The following DRP2 variants were observed in gnomAD, a reference collection of about 807,000 sequenced individuals.
DRP2 encodes dystrophin-related protein 2.
DRP2 carries 29 observed loss-of-function variants against 78.2 expected under a neutral mutation model. The observed-to-expected ratio is 0.37, with a 90% CI of 0.28 to 0.51. DRP2 has a LOEUF of 0.51. Among genes scored for constraint, DRP2 ranks in the 20% least tolerant of loss-of-function variants. The pLI is 0.94. For missense variants in DRP2, 686 were observed against 770.6 expected (o/e 0.89, Z 1.30); for synonymous variants, 290 against 281.9 (o/e 1.03, Z -0.29).
chrX:101,250,647 A>G, intron 15 of DRP2, 67 bp downstream of exon 15: 1 of 1,131,951 alleles, frequency 8.8e-7, no homozygotes. Context: ...GAAGGGAAGG[A>G]GGACTACGAG....
intron 16 of DRP2, chrX:101,251,703 G>A (rs1206524432): frequency 8.9e-6 from 1 of 111,988 alleles, no homozygotes; most frequent in East Asian, 2.8e-4. Flanking sequence ...TTAACAACTG[G>A]CTTAGAAAAC....
chrX:101,247,790 T>C (rs1922982440), intron 12 of DRP2, among the ~76,000 whole-genome samples: 1 of 112,546 alleles, frequency 8.9e-6, no homozygotes, highest in Non-Finnish European at 1.9e-5. Flanking sequence ...TGGGATTTGA[T>C]CCCTTGAGAG....
At chrX:101,221,392 C>T (rs1482256739) in intron 1 of DRP2, among the ~76,000 whole-genome samples, 3 of 112,093 alleles carry the variant, frequency 2.7e-5, no homozygotes, top group African/African-American at 9.7e-5. Flanking sequence ...GGGAGATGAT[C>T]CCAGAGAATC....
At chrX:101,253,425 C>T (rs759679726) in intron 17 of DRP2, among the ~76,000 whole-genome samples, 19 of 108,673 alleles carry the variant, frequency 1.7e-4, no homozygotes, top group African/African-American at 6.0e-4. Context: ...TTTCTGTCCC[C>T]GCAGATGCTC....
In DRP2 at chrX:101,245,370, T is replaced by C. The variant is rs1429717983; in HGVS notation, c.1116-18T>C. 2 of 1,192,735 alleles carry C rather than the reference T, an allele frequency of 1.7e-6. No homozygotes were observed. Among genetic ancestry groups the C allele is most frequent in the Non-Finnish European group, 2.3e-6 (2 of 884,749 alleles). On this transcript the variant is annotated intron_variant, in intron 10 of 23. Coordinates refer to ENST00000395209, the MANE Select transcript of DRP2 (RefSeq NM_001939.3). ...TGGGTGGTATAGATGCTGGTACTATTGATGCTATTGTTTGTAGCCACCAGG... is the reference window on the plus strand; with the variant it reads ...TGGGTGGTATAGATGCTGGTACTATCGATGCTATTGTTTGTAGCCACCAGG...
At position 101,248,518 on chromosome X, in the gene DRP2, C is replaced by T. The variant is rs371570852; in HGVS notation, c.1459C>T (p.Arg487Cys). 5.0e-6 allele frequency: 6 copies of T among 1,209,401 alleles called. No individual in the cohort carries two copies. The highest frequency in any genetic ancestry group is 6.7e-6 in the Non-Finnish European group (6 of 894,762). ...GTCTCTTCTTTTTAAACCTAGTGGTCGCAGCGGAAAGATGCGGGCATTGTC... is the reference window on the plus strand; with the variant it reads ...GTCTCTTCTTTTTAAACCTAGTGGTTGCAGCGGAAAGATGCGGGCATTGTC... ...NWLLNVFDSG[R>C]SGKMRALSFK... is the part of the protein sequence containing the mutation. Residue 487 changes from arginine to cysteine, a missense_variant, in exon 14 of 24, where the codon CGC becomes TGC. Physicochemically the swap from Arg to Cys is radical, Grantham distance 180 (BLOSUM62 -3). Around this residue, in one of 2 missense-constraint regions of DRP2, gnomAD observed 423 missense variants for 531.5 expected, o/e 0.80. Coordinates refer to ENST00000395209, the MANE Select transcript of DRP2 (RefSeq NM_001939.3).
chrX:101,257,662 G>A (rs1384320031), intron 21 of DRP2, among the ~76,000 whole-genome samples: 1 of 109,810 alleles, frequency 9.1e-6, no homozygotes, highest in East Asian at 2.9e-4. Flanking sequence ...AAAAAAACCT[G>A]GATTTTTGCC....
chrX:101,255,143 C>T, intron 19 of DRP2, 41 bp from the exon 20 acceptor site: 1 of 1,181,694 alleles, frequency 8.5e-7, no homozygotes, highest in East Asian at 3.0e-5. Context: ...AAGCAGGCCC[C>T]ACATCCTGTT....
Position 101,235,888 on chromosome X carries a change from C to T in DRP2, c.146C>T (p.Pro49Leu), listed in dbSNP as rs1489322241. 1 of 1,210,581 alleles carries T rather than the reference C, an allele frequency of 8.3e-7. No homozygotes were observed. Among genetic ancestry groups the T allele is most frequent in the African/African-American group, 1.7e-5 (1 of 57,867 alleles). The change falls in exon 4 of 24, where the codon CCT becomes CTT. Residue 49 changes from proline (P) to leucine (L), a missense_variant. Physicochemically the swap from Pro to Leu is moderately conservative, Grantham distance 98. Coordinates refer to ENST00000395209, the MANE Select transcript of DRP2 (RefSeq NM_001939.3). ...AGAGCTGCTGTCACCAGCCCTGCAC[C>T]TCCTCAAGATGGTGCTGGGGTTCCC... is the stretch of plus-strand genomic sequence containing the variant. ...QVRAAVTSPA[P>L]PQDGAGVPCL... is the part of the protein sequence containing the mutation.
chrX:101,253,483 CT>C (rs1923208458), intron 17 of DRP2, among the ~76,000 whole-genome samples: 1 of 93,346 alleles, frequency 1.1e-5, no homozygotes, highest in Non-Finnish European at 2.1e-5. Context: ...TCTCTCTCCC[CT>C]ATTCTGTCTA....
chrX:101,259,173 A>G (rs1221857449), intron 22 of DRP2, among the ~76,000 whole-genome samples: 3 of 112,060 alleles, frequency 2.7e-5, no homozygotes, highest in Non-Finnish European at 5.6e-5. Context: ...TACCAACTTC[A>G]TAGAATTGTG....
chrX:101,248,572 G>A lies in DRP2; in HGVS notation c.1513G>A (p.Gly505Ser). The A allele has an allele frequency of 8.3e-7, 1 of 1,212,021 alleles. No homozygotes were observed. Among genetic ancestry groups the A allele is most frequent in the Non-Finnish European group, 1.1e-6 (1 of 895,484 alleles). Residue 505 changes from glycine to serine, a missense_variant, in exon 14 of 24, where the codon GGC (glycine) becomes AGC (serine). By Grantham distance (56) the Gly-to-Ser change is moderately conservative (BLOSUM62 0). Around this residue, in one of 2 missense-constraint regions of DRP2, gnomAD observed 423 missense variants for 531.5 expected, o/e 0.80. Transcript: ENST00000395209. ...SFKTGIACLCGTEVKEKLQYL... is the reference protein window; with the variant it reads ...SFKTGIACLCSTEVKEKLQYL... ...TAAGACTGGCATTGCATGCTTGTGTGGCACGGAAGTGAAGGAAAAACTTCA... is the reference window on the plus strand; with the variant it reads ...TAAGACTGGCATTGCATGCTTGTGTAGCACGGAAGTGAAGGAAAAACTTCA...
At chrX:101,251,158 AAAGT>A (rs1042417741) in intron 16 of DRP2, 75 bp downstream of exon 16, 25 of 964,601 alleles carry the variant, frequency 2.6e-5, no homozygotes, top group African/African-American at 1.6e-4. Flanking sequence ...ATTAAAAAAT[AAAGT>A]GTCACCTAAT....
intron 15 of DRP2, 118 bp from the exon 16 acceptor site, chrX:101,250,799 C>G (rs1195549043): frequency 1.0e-6 from 1 of 1,004,048 alleles, no homozygotes; most frequent in Non-Finnish European, 1.4e-6. Flanking sequence ...ACGTGAACAT[C>G]TCTGGAGAAC....
intron 9 of DRP2, among the ~76,000 whole-genome samples, chrX:101,243,660 T>C (rs1470418191): frequency 8.9e-6 from 1 of 111,844 alleles, no homozygotes; most frequent in Non-Finnish European, 1.9e-5. Flanking sequence ...GCTGCATCAG[T>C]AAACAAAACA....
At chrX:101,231,872 A>C (rs976171044) in intron 3 of DRP2, 108 bp downstream of exon 3, 2 of 598,595 alleles carry the variant, frequency 3.3e-6, no homozygotes, top group East Asian at 6.7e-5. Context: ...CTCTGTATAC[A>C]TGCAACCCCT....
intron 1 of DRP2, among the ~76,000 whole-genome samples, chrX:101,220,585 G>A (rs763807207): frequency 9.1e-6 from 1 of 110,423 alleles, no homozygotes; most frequent in African/African-American, 3.3e-5. Context: ...TTGGCAGGAG[G>A]GAAGCAAAGG....
At chrX:101,243,828 A>G (rs1389757206) in intron 9 of DRP2, among the ~76,000 whole-genome samples, 1 of 111,807 alleles carries the variant, frequency 8.9e-6, no homozygotes, top group African/African-American at 3.2e-5. Context: ...AGGTGTTGCA[A>G]TTTTGAACAG....
Position 101,242,403 on chromosome X carries a change from G to C in DRP2, c.907G>C (p.Asp303His). 8.3e-7 allele frequency: 1 copy of C among 1,211,788 alleles called. No individual in the cohort carries two copies. Among genetic ancestry groups the C allele is most frequent in the Non-Finnish European group, 1.1e-6 (1 of 895,520 alleles). Residue 303 changes from aspartate (D) to histidine (H), a missense_variant, in exon 8 of 24, where the codon GAT becomes CAT. Around this residue, in one of 2 missense-constraint regions of DRP2, gnomAD observed 263 missense variants for 239.1 expected, o/e 1.10. Transcript: ENST00000395209. ...NDLAHQLAIS[D>H]VHLSMENSQA... The stretch of plus-strand genomic sequence containing the variant: ...TCTGGCCCACCAACTTGCCATTTCT[G>C]ATGTGCACTTGTCAATGGAGAATTC...
Sources: allele counts gnomAD v4.1 joint callset (sites outside exome capture counted in the v4.1 genomes callset), GRCh38; gene constraint gnomAD v4.1.1; regional missense constraint gnomAD v4.1.1; transcripts MANE v1.5; gene names NCBI Gene and HGNC (gene_info 2026-07-23, HGNC 2026-07-21).